GALNT13: variants seen among roughly 807,000 people sequenced by gnomAD.
GALNT13 encodes the protein UDP-GalNAc:polypeptide N-acetylgalactosaminyltransferase 13.
In GALNT13, 28 loss-of-function variants were observed where a neutral mutation model predicts 64.2. The observed-to-expected ratio is 0.44, with a 90% confidence interval of 0.32 to 0.60. The LOEUF (loss-of-function observed/expected upper bound fraction) is 0.60. GALNT13 is among the 20% of genes least tolerant of loss of function. GALNT13 has a pLI of 0.05. For synonymous variants in GALNT13, 214 were observed against 224.6 expected, an observed-to-expected ratio of 0.95 and a Z score of 0.42; for missense variants, 577 against 669.8, an observed-to-expected ratio of 0.86 and a Z score of 1.53.
At chr2:153,876,226 C>CACAT (rs1423618214) in intron 1 of GALNT13, among the ~76,000 whole-genome samples, 2 of 150,918 alleles carry the variant, frequency 1.3e-5, no homozygotes, top group Non-Finnish European at 2.9e-5. Context: ...CACACACACA[C>CACAT]ACACACACAT....
rs1213328580 is a variant in GALNT13, at chr2:153,886,249, A to G, written c.-177+13946A>G. On this transcript the variant is annotated intron_variant, in intron 1 of 12. Coordinates refer to ENST00000392825, the MANE Select transcript of GALNT13 (RefSeq NM_052917.4). ...ATTATACTTTTAAGTTTTAGGATAC[A>G]TGTGCACAACGTGCAGGTTTGTTAT... Among the ~76,000 whole-genome samples, 5 of 151,340 alleles carry G rather than the reference A, an allele frequency of 3.3e-5. No individual in the cohort carries two copies. In the South Asian group the frequency reaches 6.2e-4, roughly 19 times the overall value.
chr2:153,071,291 T>C, the GALNT13 span, among the ~76,000 whole-genome samples: 1 of 152,220 alleles, frequency 6.6e-6, no homozygotes, highest in East Asian at 1.9e-4. Context: ...AAGACATTGT[T>C]GGCAGAAGCA....
intron 3 of GALNT13, among the ~76,000 whole-genome samples, chr2:154,032,124 A>G (rs1048949798): frequency 6.6e-6 from 1 of 152,022 alleles, no homozygotes; most frequent in African/African-American, 2.4e-5. Context: ...TAAATATAGA[A>G]GCAGCAATCA....
chr2:153,120,917 C>T, the GALNT13 span, among the ~76,000 whole-genome samples: 1,043 of 152,230 alleles, frequency 6.9e-3, 13 homozygotes, highest in African/African-American at 0.024. Flanking sequence ...CTAGTTATTG[C>T]GTGATCTGCT....
At chr2:153,079,380 T>A in the GALNT13 span, among the ~76,000 whole-genome samples, 13 of 152,332 alleles carry the variant, frequency 8.5e-5, no homozygotes, top group South Asian at 1.9e-3. Flanking sequence ...CTCATAGCAG[T>A]TACAATACAA....
At chr2:153,814,439 C>CAATA in the GALNT13 span, among the ~76,000 whole-genome samples, 37 of 144,624 alleles carry the variant, frequency 2.6e-4, no homozygotes, top group African/African-American at 9.6e-4. Flanking sequence ...GACTCCGTCT[C>CAATA]AATAAATAAA....
the GALNT13 span, among the ~76,000 whole-genome samples, chr2:153,467,233 A>G: frequency 6.6e-6 from 1 of 152,032 alleles, no homozygotes; most frequent in Admixed American, 6.6e-5. Context: ...GGGCTATATA[A>G]TTGGACAAGT....
chr2:154,024,198 T>G (rs1179170033), intron 3 of GALNT13, among the ~76,000 whole-genome samples: 1 of 152,116 alleles, frequency 6.6e-6, no homozygotes, highest in African/African-American at 2.4e-5. Flanking sequence ...TCGAGGAGTA[T>G]CTTTGTGGCA....
chr2:154,415,011 A>G (rs1456111314), intron 11 of GALNT13, among the ~76,000 whole-genome samples: 1 of 151,928 alleles, frequency 6.6e-6, no homozygotes, highest in Non-Finnish European at 1.5e-5. Flanking sequence ...TAAAATTTAC[A>G]TAAAATAGCT....
At chr2:153,387,257 C>A in the GALNT13 span, among the ~76,000 whole-genome samples, 2 of 152,028 alleles carry the variant, frequency 1.3e-5, no homozygotes, top group Admixed American at 1.3e-4. Flanking sequence ...AAATAATATA[C>A]AATGTTATGC....
intron 3 of GALNT13, among the ~76,000 whole-genome samples, chr2:153,978,248 G>A (rs1456538204): frequency 6.6e-6 from 1 of 152,170 alleles, no homozygotes; most frequent in Non-Finnish European, 1.5e-5. Flanking sequence ...GAAAGACTAA[G>A]ATAGTAGCAT....
At chr2:154,245,676 GGA>G (rs1689742216) in intron 6 of GALNT13, 134 bp from the exon 7 acceptor site, 4 of 562,644 alleles carry the variant, frequency 7.1e-6, no homozygotes, top group Admixed American at 3.0e-5. Context: ...TGGACTAATA[GGA>G]TAAAATGAAG....
chr2:153,912,577 G>GT (rs70981688), intron 2 of GALNT13, among the ~76,000 whole-genome samples: 37,009 of 151,138 alleles, frequency 0.24, 4,799 homozygotes, highest in Non-Finnish European at 0.28. Context: ...TCATTTAGAT[G>GT]TTTTTTTTTC....
intron 3 of GALNT13, among the ~76,000 whole-genome samples, chr2:154,132,798 G>A (rs1682697861): frequency 6.6e-6 from 1 of 151,904 alleles, no homozygotes; most frequent in Non-Finnish European, 1.5e-5. Flanking sequence ...GGGAGACTAA[G>A]GCAGAAGAAT....
chr2:153,647,476 C>A, the GALNT13 span, among the ~76,000 whole-genome samples: 2 of 152,258 alleles, frequency 1.3e-5, no homozygotes, highest in African/African-American at 4.8e-5. Context: ...TTAATTAGAT[C>A]CCATTTGTCA....
At chr2:154,287,130 C>T in intron 8 of GALNT13, 1 of 1,316,714 alleles carries the variant, frequency 7.6e-7, no homozygotes, top group Non-Finnish European at 1.1e-6. Flanking sequence ...ACACATCTGA[C>T]CTTTGAGAAG....
chr2:153,086,434 T>C, the GALNT13 span, among the ~76,000 whole-genome samples: 3 of 152,162 alleles, frequency 2.0e-5, no homozygotes, highest in Admixed American at 6.5e-5. Flanking sequence ...CAGGTGTACA[T>C]AATTGAATCG....
intron 3 of GALNT13, among the ~76,000 whole-genome samples, chr2:154,045,698 C>T (rs931077040): frequency 5.9e-5 from 9 of 152,164 alleles, no homozygotes; most frequent in Admixed American, 4.6e-4. Context: ...AAAAATACTG[C>T]CTTAGTTCAA....
At chr2:153,855,718 C>T in the GALNT13 span, among the ~76,000 whole-genome samples, 3 of 152,104 alleles carry the variant, frequency 2.0e-5, no homozygotes, top group Non-Finnish European at 4.4e-5. Flanking sequence ...TATAACCCAG[C>T]AATTTCACTC....
Sources: gnomAD v4.1 joint callset for allele counts (sites outside exome capture counted in the v4.1 genomes callset) on GRCh38, gnomAD v4.1.1 for gene constraint, MANE v1.5 for transcripts, NCBI Gene and HGNC (gene_info 2026-07-23, HGNC 2026-07-21) for gene names.